Variants in CTIF observed in about 807,000 individuals in gnomAD.
CTIF encodes the protein cap binding complex dependent translation initiation factor, also known as CBP80/20-dependent translation initiation factor.
In CTIF, 21 loss-of-function variants were observed where a neutral mutation model predicts 66.0. The observed-to-expected ratio is 0.32, with a 90% CI of 0.23 to 0.46. The LOEUF (loss-of-function observed/expected upper bound fraction) is 0.46. Ranked by LOEUF, CTIF falls within the 20% of genes least tolerant of loss-of-function variation. The probability of loss-of-function intolerance (pLI) is 1.00; values close to 1 mark genes in which losing one functional copy is unlikely to be tolerated. For synonymous variants in CTIF, 345 were observed against 326.4 expected (o/e 1.06, Z -0.62); for missense variants, 739 against 812.7 (o/e 0.91, Z 1.10).
At position 48,670,699 on chromosome 18, in the gene CTIF, T is replaced by C. The variant is rs765094831; in HGVS notation, c.462T>C (p.Asp154=). The change falls in exon 6 of 12, where the codon GAT becomes GAC. Residue 154 remains aspartate (D), a synonymous_variant. Transcript: ENST00000256413. ...GCGKGKLEDG[D]GINLNDIEKV... is the part of the protein sequence containing the mutation. ...GCAAAGGGAAGCTGGAAGATGGGGATGGCATCAACCTGAATGACATCGAGA... is the reference window on the plus strand; with the variant it reads ...GCAAAGGGAAGCTGGAAGATGGGGACGGCATCAACCTGAATGACATCGAGA... 1.2e-6 allele frequency: 2 copies of C among 1,614,146 alleles called. No individual in the cohort carries two copies. The highest frequency in any genetic ancestry group is 2.2e-5 in the South Asian group (2 of 91,080).
rs1003652589 is a variant in CTIF, at chr18:48,833,334, G to A, written c.1527+15958G>A. Among the ~76,000 whole-genome samples, 9 of 152,298 alleles carry A rather than the reference G, an allele frequency of 5.9e-5. No individual in the cohort carries two copies. The Middle Eastern group carries it at 0.014, about 230-fold the overall frequency. ...GTGGAAGTGCCCACCAGTGAGGGTG[G>A]GAGGGTAGCCGTGTGGGCTGCGAGT... On this transcript the variant is annotated intron_variant, in intron 10 of 11. Coordinates refer to ENST00000256413, the MANE Select transcript of CTIF (RefSeq NM_014772.3).
chr18:48,730,969 C>A (rs1240957101), intron 7 of CTIF, among the ~76,000 whole-genome samples: 2 of 152,124 alleles, frequency 1.3e-5, no homozygotes, highest in Non-Finnish European at 2.9e-5. Context: ...ACTCTCCCAG[C>A]CCAGAGAGGC....
intron 3 of CTIF, among the ~76,000 whole-genome samples, chr18:48,651,545 TAGAC>T (rs1160459924): frequency 2.0e-5 from 3 of 152,138 alleles, no homozygotes; most frequent in African/African-American, 7.2e-5. Flanking sequence ...CTGTCAATAT[TAGAC>T]AGATCAACGA....
chr18:48,656,071 C>T (rs1270533216), intron 3 of CTIF, among the ~76,000 whole-genome samples: 3 of 152,214 alleles, frequency 2.0e-5, no homozygotes, highest in Admixed American at 2.0e-4. Context: ...TCATCGCATA[C>T]CCACTCACAT....
At chr18:48,732,836 AG>A (rs2092468091) in intron 7 of CTIF, among the ~76,000 whole-genome samples, 4 of 152,210 alleles carry the variant, frequency 2.6e-5, no homozygotes, top group African/African-American at 9.7e-5. Context: ...AATTTGTGCA[AG>A]GCAGGAGGAG....
At chr18:48,771,374 G>A (rs945783914) in intron 9 of CTIF, among the ~76,000 whole-genome samples, 1 of 152,112 alleles carries the variant, frequency 6.6e-6, no homozygotes, top group Non-Finnish European at 1.5e-5. Context: ...TCCTTCACTG[G>A]GGAGGAAGGA....
chr18:48,655,157 TTGC>T (rs2091224835), intron 3 of CTIF, among the ~76,000 whole-genome samples: 1 of 151,336 alleles, frequency 6.6e-6, no homozygotes, highest in South Asian at 2.1e-4. Context: ...ATACAAAAAT[TTGC>T]TGGGTATGGT....
chr18:48,744,948 C>T (rs1457313267), intron 7 of CTIF, among the ~76,000 whole-genome samples: 1 of 152,056 alleles, frequency 6.6e-6, no homozygotes, highest in African/African-American at 2.4e-5. Context: ...TCAGCCTTCC[C>T]AGCAGCTGGG....
intron 9 of CTIF, among the ~76,000 whole-genome samples, chr18:48,775,876 C>T (rs1910621442): frequency 6.6e-6 from 1 of 152,220 alleles, no homozygotes; most frequent in Non-Finnish European, 1.5e-5. Context: ...GGGTGTCAAT[C>T]AGCAAGCCCA....
intron 10 of CTIF, among the ~76,000 whole-genome samples, chr18:48,844,102 A>T (rs2069013897): frequency 6.6e-6 from 1 of 152,222 alleles, no homozygotes; most frequent in South Asian, 2.1e-4. Flanking sequence ...CAAAAGGGGA[A>T]CCTCAGAGCT....
intron 1 of CTIF, among the ~76,000 whole-genome samples, chr18:48,613,583 A>T (rs1489843872): frequency 6.6e-6 from 1 of 152,212 alleles, no homozygotes; most frequent in East Asian, 1.9e-4. Context: ...AAAAATAGCC[A>T]GGCTAACTGG....
chr18:48,857,618 G>T lies in CTIF; in HGVS notation c.1558G>T (p.Ala520Ser), dbSNP rs1714427886. ...LLQSQDVKED[A>S]VLCCSMELQS... The stretch of plus-strand genomic sequence containing the variant: ...GCAATCTCAGGATGTGAAGGAAGAT[G>T]CTGTCCTTTGCTGCTCTATGGAGGT... Residue 520 changes from alanine (A) to serine (S), a missense_variant, in exon 11 of 12, where the codon GCT becomes TCT. Ala to Ser is a moderately conservative substitution (Grantham distance 99). Coordinates refer to ENST00000256413, the MANE Select transcript of CTIF (RefSeq NM_014772.3). 1 of 1,608,410 alleles carries T rather than the reference G, an allele frequency of 6.2e-7. No homozygotes were observed. Among genetic ancestry groups the T allele is most frequent in the Admixed American group, 1.7e-5 (1 of 59,176 alleles).
chr18:48,604,749 A>C lies in CTIF; in HGVS notation c.-28-14789A>C, dbSNP rs539429779. 3.9e-4 allele frequency among the ~76,000 whole-genome samples: 60 copies of C among 152,312 alleles called. 3 individuals carry two copies. The South Asian group carries it at 0.012, about 32-fold the overall frequency. On this transcript the variant is annotated intron_variant, in intron 1 of 11. Transcript: ENST00000256413. Reference sequence around the variant, plus strand: ...CCTTTACCACCTTCATCACCTCTAAAAGAAACCCTTTAGCTATCACCCCCT... The same window carrying C: ...CCTTTACCACCTTCATCACCTCTAACAGAAACCCTTTAGCTATCACCCCCT...
At chr18:48,641,591 A>G (rs2090933376) in intron 3 of CTIF, among the ~76,000 whole-genome samples, 1 of 152,246 alleles carries the variant, frequency 6.6e-6, no homozygotes, top group East Asian at 1.9e-4. Flanking sequence ...CCTGTAGCAA[A>G]CAGAAGCATA....
chr18:48,817,401 C>G, intron 10 of CTIF, 25 bp downstream of exon 10: 1 of 1,593,944 alleles, frequency 6.3e-7, no homozygotes, highest in Non-Finnish European at 8.6e-7. Context: ...GCCTGTGCCC[C>G]CTGCACAGCC....
intron 3 of CTIF, among the ~76,000 whole-genome samples, chr18:48,641,225 C>T (rs752792563): frequency 3.9e-5 from 6 of 152,302 alleles, no homozygotes; most frequent in Non-Finnish European, 8.8e-5. Flanking sequence ...AGGAAAGAAA[C>T]CAAATGCATG....
intron 3 of CTIF, among the ~76,000 whole-genome samples, chr18:48,645,524 C>T (rs2091014561): frequency 6.6e-6 from 1 of 152,144 alleles, no homozygotes; most frequent in Non-Finnish European, 1.5e-5. Context: ...GGGGCTCCAA[C>T]CCCCTACCAG....
intron 1 of CTIF, among the ~76,000 whole-genome samples, chr18:48,584,883 C>T (rs1295372572): frequency 2.0e-5 from 3 of 152,240 alleles, no homozygotes; most frequent in African/African-American, 7.2e-5. Flanking sequence ...ATGCATTAAT[C>T]TTAAGTGCAC....
chr18:48,607,091 T>G (rs2090216086), intron 1 of CTIF, among the ~76,000 whole-genome samples: 1 of 152,094 alleles, frequency 6.6e-6, no homozygotes. Flanking sequence ...GCTTTCCTGC[T>G]TTAGGAAAGG....
Sources: allele counts gnomAD v4.1 joint callset (sites outside exome capture counted in the v4.1 genomes callset), GRCh38; gene constraint gnomAD v4.1.1; transcripts MANE v1.5; gene names NCBI Gene and HGNC (gene_info 2026-07-23, HGNC 2026-07-21).